Variants in HCN1 observed in about 807,000 individuals in gnomAD.
HCN1 encodes hyperpolarization activated cyclic nucleotide gated potassium channel 1.
HCN1 carries 13 observed loss-of-function variants against 78.9 expected under a neutral mutation model. That is an observed-to-expected ratio of 0.16 (90% CI 0.11 to 0.26). The LOEUF (loss-of-function observed/expected upper bound fraction) is 0.26, where lower values mean the gene tolerates loss of function less well. HCN1 is among the 10% of genes least tolerant of loss of function. The pLI, the probability that HCN1 is intolerant of heterozygous loss-of-function variation, is 1.00. For synonymous variants in HCN1, 552 were observed against 455.5 expected, an observed-to-expected ratio of 1.21 and a Z score of -2.70; for missense variants, 810 against 1,154.3, an observed-to-expected ratio of 0.70 and a Z score of 4.32.
intron 4 of HCN1, among the ~76,000 whole-genome samples, chr5:45,388,839 T>A (rs1465524487): frequency 2.6e-5 from 4 of 152,136 alleles, no homozygotes; most frequent in African/African-American, 9.7e-5. Flanking sequence ...CCTAATAGTA[T>A]TTTTCAATAT....
intron 6 of HCN1, among the ~76,000 whole-genome samples, chr5:45,278,727 TA>T (rs1464268524): frequency 3.5e-4 from 54 of 152,224 alleles, no homozygotes; most frequent in African/African-American, 1.3e-3. Flanking sequence ...AAAGCAATGA[TA>T]ATGATAAGAA....
chr5:45,572,173 G>A (rs556368144), intron 2 of HCN1, among the ~76,000 whole-genome samples: 1 of 152,136 alleles, frequency 6.6e-6, no homozygotes, highest in Non-Finnish European at 1.5e-5. Context: ...ACTTATTAAT[G>A]CCAAAGGATA....
At chr5:45,615,427 T>G (rs1744923718) in intron 2 of HCN1, among the ~76,000 whole-genome samples, 1 of 152,054 alleles carries the variant, frequency 6.6e-6, no homozygotes, top group African/African-American at 2.4e-5. Flanking sequence ...GGATATGTTT[T>G]ATGCCTCAAT....
At chr5:45,493,582 T>C (rs1050458527) in intron 2 of HCN1, among the ~76,000 whole-genome samples, 3 of 151,964 alleles carry the variant, frequency 2.0e-5, no homozygotes, top group Non-Finnish European at 4.4e-5. Flanking sequence ...GTTTCTTTTT[T>C]TTTAGCTTTT....
chr5:45,438,522 T>C (rs977870133), intron 3 of HCN1, among the ~76,000 whole-genome samples: 3 of 147,812 alleles, frequency 2.0e-5, no homozygotes, highest in Non-Finnish European at 4.5e-5. Context: ...ACCTGGGAGG[T>C]GGAGCTTGCA....
At chr5:45,640,054 G>T (rs1713344166) in intron 2 of HCN1, among the ~76,000 whole-genome samples, 1 of 152,098 alleles carries the variant, frequency 6.6e-6, no homozygotes, top group African/African-American at 2.4e-5. Context: ...TCAAAATTCA[G>T]TTCAGTATGT....
At chr5:45,325,195 A>G (rs920774460) in intron 5 of HCN1, among the ~76,000 whole-genome samples, 2 of 151,758 alleles carry the variant, frequency 1.3e-5, no homozygotes, top group African/African-American at 4.8e-5. Flanking sequence ...TTAGAGGAAG[A>G]CAGCACCTCT....
chr5:45,660,642 G>A (rs949018493), intron 1 of HCN1, among the ~76,000 whole-genome samples: 7 of 150,658 alleles, frequency 4.6e-5, no homozygotes, highest in Admixed American at 4.0e-4. Flanking sequence ...AAAAAAGGCA[G>A]GGGTTGCAAT....
chr5:45,530,412 T>TTATA (rs59818959), intron 2 of HCN1, among the ~76,000 whole-genome samples: 2,109 of 148,698 alleles, frequency 0.014, 61 homozygotes, highest in African/African-American at 0.049. Flanking sequence ...GATTGTGTTT[T>TTATA]TATATATATA....
At chr5:45,345,302 G>A (rs1236318009) in intron 5 of HCN1, among the ~76,000 whole-genome samples, 1 of 152,170 alleles carries the variant, frequency 6.6e-6, no homozygotes, top group African/African-American at 2.4e-5. Context: ...TGTGATGGGA[G>A]GGGCTAATGG....
chr5:45,695,781 C>G lies in HCN1; in HGVS notation c.313G>C (p.Gly105Arg). The G allele has an allele frequency of 6.2e-7, 1 of 1,611,710 alleles. No homozygotes were observed. Among genetic ancestry groups the G allele is most frequent in the Non-Finnish European group, 8.5e-7 (1 of 1,179,580 alleles). Residue 105 changes from glycine (G) to arginine (R), a missense_variant, in exon 1 of 8, where the codon GGG becomes CGG. Physicochemically the swap from Gly to Arg is moderately radical, Grantham distance 125. Coordinates refer to ENST00000303230, the MANE Select transcript of HCN1 (RefSeq NM_021072.4). ...QRQFTSMLQP[G>R]VNKFSLRMFG... is the part of the protein sequence containing the mutation. ...ATGCGGAGGGAGAATTTGTTGACCC[C>G]GGGCTGCAGCATGGAGGTGAACTGC...
chr5:45,546,301 A>G (rs1404606183), intron 2 of HCN1, among the ~76,000 whole-genome samples: 1 of 151,838 alleles, frequency 6.6e-6, no homozygotes, highest in Non-Finnish European at 1.5e-5. Context: ...TTTCTTTGCA[A>G]TTTATTTTAT....
At chr5:45,314,880 T>C (rs143124115) in intron 5 of HCN1, among the ~76,000 whole-genome samples, 3,848 of 152,240 alleles carry the variant, frequency 0.025, 193 homozygotes, top group African/African-American at 0.089. Context: ...TAAATATATA[T>C]GCACCCAATA....
chr5:45,295,886 G>A (rs1745481519), intron 6 of HCN1, among the ~76,000 whole-genome samples: 1 of 151,932 alleles, frequency 6.6e-6, no homozygotes, highest in African/African-American at 2.4e-5. Context: ...AATGAAATAG[G>A]CAGGGATTGT....
chr5:45,567,453 C>G (rs766651588), intron 2 of HCN1, among the ~76,000 whole-genome samples: 8 of 151,902 alleles, frequency 5.3e-5, no homozygotes, highest in Non-Finnish European at 1.2e-4. Context: ...AAGTGAATAG[C>G]ACTGAGCTGC....
chr5:45,374,881 T>C (rs1747569808), intron 4 of HCN1, among the ~76,000 whole-genome samples: 1 of 144,912 alleles, frequency 6.9e-6, no homozygotes, highest in African/African-American at 2.5e-5. Flanking sequence ...TTCATGGGTA[T>C]ATATATAGAG....
chr5:45,313,884 C>T lies in HCN1; in HGVS notation c.1378-10045G>A, dbSNP rs566805542. 1.3e-3 allele frequency among the ~76,000 whole-genome samples: 197 copies of T among 152,280 alleles called. 1 individual carries two copies. Among genetic ancestry groups the T allele is most frequent in the African/African-American group, 4.6e-3 (190 of 41,568 alleles). On this transcript the variant is annotated intron_variant, in intron 5 of 7. Transcript: ENST00000303230. ...GGACTATGTGAAAAGACCAAATCTACATCTGATTGGTGTACCTGAAAGTGA... is the reference window on the plus strand; with the variant it reads ...GGACTATGTGAAAAGACCAAATCTATATCTGATTGGTGTACCTGAAAGTGA...
In HCN1 at chr5:45,414,440, C is replaced by T. The variant is rs151025009; in HGVS notation, c.1012-17730G>A. Among the ~76,000 whole-genome samples the T allele has an allele frequency of 3.7e-3, 562 of 152,118 alleles. 3 individuals carry two copies. Among genetic ancestry groups the T allele is most frequent in the Non-Finnish European group, 6.4e-3 (434 of 67,944 alleles). ...GCATTTGTCTCTACTCAGCTTTACACAAACATCCCAAATCTGTGTGTCCAA... is the reference window on the plus strand; with the variant it reads ...GCATTTGTCTCTACTCAGCTTTACATAAACATCCCAAATCTGTGTGTCCAA... On this transcript the variant is annotated intron_variant, in intron 3 of 7. Coordinates refer to ENST00000303230, the MANE Select transcript of HCN1 (RefSeq NM_021072.4).
intron 3 of HCN1, among the ~76,000 whole-genome samples, chr5:45,431,745 G>C (rs1030287695): frequency 9.2e-5 from 14 of 152,142 alleles, no homozygotes; most frequent in Admixed American, 8.5e-4. Context: ...GATGATTATA[G>C]GTGTGTAGCA....
Sources: allele counts gnomAD v4.1 joint callset (sites outside exome capture counted in the v4.1 genomes callset), GRCh38; gene constraint gnomAD v4.1.1; transcripts MANE v1.5; gene names NCBI Gene and HGNC (gene_info 2026-07-23, HGNC 2026-07-21).